LRRC4C: variants seen among roughly 807,000 people sequenced by gnomAD.
LRRC4C encodes the protein leucine-rich repeat-containing protein 4C.
Under a neutral mutation model 33.6 loss-of-function variants are expected in LRRC4C, and 5 were observed. That is an observed-to-expected ratio of 0.15 (90% CI 0.08 to 0.31). LRRC4C has a LOEUF of 0.31. Ranked by LOEUF, LRRC4C falls within the 10% of genes least tolerant of loss-of-function variation. The pLI, the probability that LRRC4C is intolerant of heterozygous loss-of-function variation, is 1.00. For synonymous variants in LRRC4C, 329 were observed against 302.0 expected, an observed-to-expected ratio of 1.09 and a Z score of -0.93; for missense variants, 560 against 796.7, an observed-to-expected ratio of 0.70 and a Z score of 3.58.
At chr11:40,928,345 T>C (rs1478789154) in intron 2 of LRRC4C, among the ~76,000 whole-genome samples, 1 of 151,572 alleles carries the variant, frequency 6.6e-6, no homozygotes, top group Non-Finnish European at 1.5e-5. Context: ...TAAAAACATA[T>C]TGAAAATTAA....
chr11:41,207,296 T>C (rs1946640286), intron 1 of LRRC4C, among the ~76,000 whole-genome samples: 1 of 152,166 alleles, frequency 6.6e-6, no homozygotes. Context: ...CAGTCTTTTT[T>C]TAAAAGTTCC....
chr11:40,243,129 C>T (rs1866049552), intron 4 of LRRC4C, among the ~76,000 whole-genome samples: 1 of 152,150 alleles, frequency 6.6e-6, no homozygotes, highest in Non-Finnish European at 1.5e-5. Flanking sequence ...TCTGGAATAA[C>T]AGGACCTCTG....
At chr11:41,049,006 C>G (rs759305245) in intron 1 of LRRC4C, among the ~76,000 whole-genome samples, 1 of 152,150 alleles carries the variant, frequency 6.6e-6, no homozygotes, top group East Asian at 1.9e-4. Context: ...TAGGCAGGTA[C>G]TAGGTATGTA....
intron 5 of LRRC4C, among the ~76,000 whole-genome samples, chr11:40,215,996 C>T (rs1214290539): frequency 6.6e-6 from 1 of 152,058 alleles, no homozygotes; most frequent in Non-Finnish European, 1.5e-5. Context: ...TTGTTCAACG[C>T]TGGTAATGAG....
chr11:40,700,216 G>A (rs758513499), intron 2 of LRRC4C, among the ~76,000 whole-genome samples: 3 of 152,048 alleles, frequency 2.0e-5, no homozygotes, highest in Non-Finnish European at 4.4e-5. Flanking sequence ...CTACTTTCCT[G>A]TCATGTTATT....
chr11:40,486,087 C>A (rs986268096), intron 3 of LRRC4C, among the ~76,000 whole-genome samples: 2 of 151,254 alleles, frequency 1.3e-5, no homozygotes, highest in Non-Finnish European at 1.5e-5. Context: ...ATACAATAAA[C>A]CCCCATGACA....
At chr11:40,515,115 C>A (rs1467582874) in intron 3 of LRRC4C, among the ~76,000 whole-genome samples, 3 of 152,066 alleles carry the variant, frequency 2.0e-5, no homozygotes, top group Non-Finnish European at 4.4e-5. Flanking sequence ...CGACTTTCAT[C>A]TATATGTGCT....
intron 2 of LRRC4C, among the ~76,000 whole-genome samples, chr11:40,852,149 T>A (rs1049094076): frequency 1.3e-5 from 2 of 152,008 alleles, no homozygotes; most frequent in East Asian, 3.9e-4. Flanking sequence ...TTTTCCAGAT[T>A]GTTTTTAATC....
At chr11:40,484,849 G>T (rs2138440897) in intron 3 of LRRC4C, among the ~76,000 whole-genome samples, 1 of 152,182 alleles carries the variant, frequency 6.6e-6, no homozygotes, top group South Asian at 2.1e-4. Flanking sequence ...TACAGTCAAT[G>T]TACCACTGAC....
chr11:40,996,441 T>C (rs1008971381), intron 1 of LRRC4C, among the ~76,000 whole-genome samples: 2 of 152,118 alleles, frequency 1.3e-5, no homozygotes, highest in African/African-American at 4.8e-5. Context: ...TAGGCAAATA[T>C]CAAGGAGCTA....
intron 1 of LRRC4C, among the ~76,000 whole-genome samples, chr11:41,435,117 A>G (rs934482647): frequency 6.6e-6 from 1 of 152,174 alleles, no homozygotes; most frequent in Admixed American, 6.6e-5. Flanking sequence ...GGATTTTTAC[A>G]TAGATAGGAT....
intron 3 of LRRC4C, among the ~76,000 whole-genome samples, chr11:40,356,474 T>C (rs769634797): frequency 3.2e-4 from 48 of 152,270 alleles, no homozygotes; most frequent in Non-Finnish European, 2.6e-4. Context: ...TCAAGGTAGG[T>C]TAGAGAGGTA....
intron 3 of LRRC4C, among the ~76,000 whole-genome samples, chr11:40,621,763 A>T (rs1565568980): frequency 6.6e-6 from 1 of 151,622 alleles, no homozygotes; most frequent in Non-Finnish European, 1.5e-5. Context: ...ATAAAATAAG[A>T]ATAGCATTTA....
chr11:41,284,623 C>T (rs1489599563), intron 1 of LRRC4C, among the ~76,000 whole-genome samples: 1 of 152,142 alleles, frequency 6.6e-6, no homozygotes, highest in Non-Finnish European at 1.5e-5. Context: ...CCCCAGCAGC[C>T]CTCCCCACAG....
At chr11:41,091,562 G>A (rs1379053129) in intron 1 of LRRC4C, among the ~76,000 whole-genome samples, 1 of 151,856 alleles carries the variant, frequency 6.6e-6, no homozygotes, top group Non-Finnish European at 1.5e-5. Context: ...TGATCTTTAT[G>A]GACATTGCAC....
chr11:41,232,747 GACACACACACACACACAC>G (rs34632647), intron 1 of LRRC4C, among the ~76,000 whole-genome samples: 2 of 143,630 alleles, frequency 1.4e-5, no homozygotes, highest in South Asian at 2.3e-4. Flanking sequence ...GTGTTATCAA[GACACACACACACACACAC>G]ACACACACAC....
intron 1 of LRRC4C, among the ~76,000 whole-genome samples, chr11:41,362,184 G>A (rs1478143734): frequency 6.6e-6 from 1 of 152,088 alleles, no homozygotes; most frequent in Non-Finnish European, 1.5e-5. Context: ...TCTATTACTT[G>A]CAAATTCAAG....
chr11:40,860,268 G>C (rs1565143596), intron 2 of LRRC4C, among the ~76,000 whole-genome samples: 3 of 151,948 alleles, frequency 2.0e-5, no homozygotes, highest in Admixed American at 2.0e-4. Flanking sequence ...AGTGGGTAGG[G>C]GTAGAGGGAA....
chr11:40,209,942 A>G (rs937123755), intron 5 of LRRC4C, among the ~76,000 whole-genome samples: 5 of 152,196 alleles, frequency 3.3e-5, no homozygotes, highest in Non-Finnish European at 7.3e-5. Context: ...TAGAGAAGGA[A>G]GGAAGGGCAT....
Sources: allele counts gnomAD v4.1 joint callset (sites outside exome capture counted in the v4.1 genomes callset), GRCh38; gene constraint gnomAD v4.1.1; transcripts MANE v1.5; gene names NCBI Gene and HGNC (gene_info 2026-07-23, HGNC 2026-07-21).